Variants in PDZD2 observed in about 807,000 individuals in gnomAD.
The protein encoded by PDZD2 is PDZ domain containing 2, also known as PDZ domain-containing protein 2.
A neutral mutation model predicts 220.7 loss-of-function variants in PDZD2; 90 were observed. The observed-to-expected ratio is 0.41, with a 90% confidence interval of 0.34 to 0.49. The LOEUF (loss-of-function observed/expected upper bound fraction) is 0.49. PDZD2 is among the 20% of genes least tolerant of loss of function. The pLI, the probability that PDZD2 is intolerant of heterozygous loss-of-function variation, is 0.28. For missense variants in PDZD2, 3,174 were observed against 3,608.5 expected (o/e 0.88, Z 3.08); for synonymous variants, 1,375 against 1,450.5 (o/e 0.95, Z 1.18).
At chr5:31,756,515 T>C (rs1346825362) in intron 1 of PDZD2, among the ~76,000 whole-genome samples, 1 of 152,204 alleles carries the variant, frequency 6.6e-6, no homozygotes, top group East Asian at 1.9e-4. Flanking sequence ...GTGGCCACTG[T>C]GGGCCTGTGG....
intron 1 of PDZD2, among the ~76,000 whole-genome samples, chr5:31,667,235 C>CAAAAAAAAA (rs3031718): frequency 1.9e-5 from 1 of 52,842 alleles, no homozygotes; most frequent in Non-Finnish European, 3.2e-5. Context: ...GACTCCGTCT[C>CAAAAAAAAA]AAAAAAAAAA....
chr5:31,757,440 A>G (rs1001993101), intron 1 of PDZD2, among the ~76,000 whole-genome samples: 6 of 152,100 alleles, frequency 3.9e-5, no homozygotes, highest in Non-Finnish European at 5.9e-5. Context: ...AAATACAAAA[A>G]AATTAGCCGG....
At chr5:31,758,923 G>T (rs1449937589) in intron 1 of PDZD2, among the ~76,000 whole-genome samples, 5 of 152,120 alleles carry the variant, frequency 3.3e-5, no homozygotes, top group Non-Finnish European at 7.3e-5. Flanking sequence ...GCCTCCACAT[G>T]CGTTCCCTGG....
At chr5:31,864,426 T>C (rs972528506) in intron 2 of PDZD2, among the ~76,000 whole-genome samples, 1 of 152,240 alleles carries the variant, frequency 6.6e-6, no homozygotes. Flanking sequence ...CTCTGACTGA[T>C]AGTCTATGTC....
intron 2 of PDZD2, among the ~76,000 whole-genome samples, chr5:31,894,995 T>C (rs1561549538): frequency 1.3e-5 from 2 of 152,178 alleles, no homozygotes; most frequent in African/African-American, 2.4e-5. Flanking sequence ...GTTCAGCTGA[T>C]TGTTCTGCCT....
At chr5:32,030,873 C>G (rs1325341372) in intron 6 of PDZD2, among the ~76,000 whole-genome samples, 2 of 152,152 alleles carry the variant, frequency 1.3e-5, no homozygotes, top group Admixed American at 6.6e-5. Flanking sequence ...TCATTTCATG[C>G]ATTTCTCGGC....
chr5:31,661,193 C>T (rs1240304572), intron 1 of PDZD2, among the ~76,000 whole-genome samples: 1 of 152,208 alleles, frequency 6.6e-6, no homozygotes, highest in Non-Finnish European at 1.5e-5. Flanking sequence ...AGGTTCTGAG[C>T]TGCTGCTAAA....
At chr5:31,676,212 T>C (rs1432908914) in intron 1 of PDZD2, among the ~76,000 whole-genome samples, 1 of 152,208 alleles carries the variant, frequency 6.6e-6, no homozygotes. Flanking sequence ...CAAGAGCTCA[T>C]TAATCACTCA....
Position 31,960,752 on chromosome 5 carries a change from G to A in PDZD2, c.477-22403G>A, listed in dbSNP as rs766443. Among the ~76,000 whole-genome samples, 435 of 152,092 alleles carry A rather than the reference G, an allele frequency of 2.9e-3. 3 individuals carry two copies. The highest frequency in any genetic ancestry group is 0.01 in the African/African-American group (422 of 41,498). On this transcript the variant is annotated intron_variant, in intron 2 of 24. Coordinates refer to ENST00000438447, the MANE Select transcript of PDZD2 (RefSeq NM_178140.4). ...TGAAGTAACCCGTGCTTCTGTTGAA[G>A]CATTCTTCATATAATTAGTGTTGTT...
chr5:31,759,611 G>A lies in PDZD2; in HGVS notation c.-360-39278G>A, dbSNP rs1041330069. 6.0e-5 allele frequency among the ~76,000 whole-genome samples: 9 copies of A among 149,324 alleles called. 1 individual carries two copies. The highest frequency in any genetic ancestry group is 6.8e-3 in the Middle Eastern group (2 of 292). On this transcript the variant is annotated intron_variant, in intron 1 of 24. Coordinates refer to ENST00000438447, the MANE Select transcript of PDZD2 (RefSeq NM_178140.4). ...AGTGCAGTGGTGTGATCTCAGCTGA[G>A]ATCAGCTCACTGCAACCTCTGCCTC...
chr5:32,079,674 G>A (rs1386971766), intron 19 of PDZD2, among the ~76,000 whole-genome samples: 1 of 151,970 alleles, frequency 6.6e-6, no homozygotes, highest in East Asian at 2.0e-4. Context: ...AGCTGGGCAT[G>A]TTGGCGGGCG....
At chr5:32,071,557 C>T (rs1740746167) in intron 16 of PDZD2, 139 bp downstream of exon 16, 1 of 711,524 alleles carries the variant, frequency 1.4e-6, no homozygotes, top group Admixed American at 2.2e-5. Flanking sequence ...GAAATCGCAA[C>T]AATGCTCATT....
Position 31,983,282 on chromosome 5 carries a change from A to G in PDZD2, c.604A>G (p.Thr202Ala), listed in dbSNP as rs1322660978. Residue 202 changes from threonine to alanine, a missense_variant, in exon 3 of 25, where the codon ACC becomes GCC. Around this residue, in one of 4 missense-constraint regions of PDZD2, gnomAD observed 632 missense variants for 708.1 expected, o/e 0.89. Transcript: ENST00000438447. ...SNSSEPGETP[T>A]LELGDRTAKK... ...CAGCTCTGAACCAGGAGAAACACCTACCTTGGAGCTGGGTGACCGAACTGC... is the reference window on the plus strand; with the variant it reads ...CAGCTCTGAACCAGGAGAAACACCTGCCTTGGAGCTGGGTGACCGAACTGC... 3.7e-6 allele frequency: 6 copies of G among 1,614,088 alleles called. No homozygotes were observed. In the African/African-American group the frequency reaches 5.3e-5, roughly 14 times the overall value.
intron 1 of PDZD2, among the ~76,000 whole-genome samples, chr5:31,660,399 A>G (rs147797707): frequency 1.5e-3 from 223 of 152,244 alleles, no homozygotes; most frequent in African/African-American, 5.0e-3. Flanking sequence ...TCACACTGCT[A>G]TGAAGAAATA....
chr5:31,687,255 C>T (rs1426345569), intron 1 of PDZD2, among the ~76,000 whole-genome samples: 1 of 152,204 alleles, frequency 6.6e-6, no homozygotes, highest in Non-Finnish European at 1.5e-5. Flanking sequence ...TATGAGTCCA[C>T]TCAGGCTTCC....
At chr5:31,701,011 G>A (rs1202231449) in intron 1 of PDZD2, among the ~76,000 whole-genome samples, 2 of 152,214 alleles carry the variant, frequency 1.3e-5, no homozygotes, top group Non-Finnish European at 2.9e-5. Context: ...GCCTCTGGCT[G>A]TGCCCAAGGG....
At chr5:31,788,536 G>A (rs1753517519) in intron 1 of PDZD2, among the ~76,000 whole-genome samples, 1 of 152,042 alleles carries the variant, frequency 6.6e-6, no homozygotes, top group Non-Finnish European at 1.5e-5. Context: ...GTGGTGGCGG[G>A]CGCCTGTAGT....
intron 2 of PDZD2, among the ~76,000 whole-genome samples, chr5:31,881,970 C>T (rs1046871995): frequency 6.6e-6 from 1 of 152,262 alleles, no homozygotes; most frequent in Non-Finnish European, 1.5e-5. Context: ...CCACCCACCT[C>T]GGTCTCCCAA....
chr5:32,020,731 G>C (rs1291940941), intron 6 of PDZD2, among the ~76,000 whole-genome samples: 1 of 149,398 alleles, frequency 6.7e-6, no homozygotes, highest in Non-Finnish European at 1.5e-5. Flanking sequence ...TGCAACCTCT[G>C]CCTCCCAGGT....
Sources: allele counts gnomAD v4.1 joint callset (sites outside exome capture counted in the v4.1 genomes callset), GRCh38; gene constraint gnomAD v4.1.1; regional missense constraint gnomAD v4.1.1; transcripts MANE v1.5; gene names NCBI Gene and HGNC (gene_info 2026-07-23, HGNC 2026-07-21).